SYNPO2: variants seen among roughly 807,000 people sequenced by gnomAD.
SYNPO2 encodes synaptopodin 2, also known as synaptopodin-2.
SYNPO2 carries 56 observed loss-of-function variants against 85.0 expected under a neutral mutation model. That is an observed-to-expected ratio of 0.66 (90% CI 0.53 to 0.82). SYNPO2 has a LOEUF of 0.82. Among genes scored for constraint, SYNPO2 ranks in the 40% least tolerant of loss-of-function variants. The probability of loss-of-function intolerance (pLI) is 0.00; values close to 1 mark genes in which losing one functional copy is unlikely to be tolerated. For missense variants in SYNPO2, 1,575 were observed against 1,534.2 expected, an observed-to-expected ratio of 1.03 and a Z score of -0.44; for synonymous variants, 602 against 591.1, an observed-to-expected ratio of 1.02 and a Z score of -0.27.
chr4:119,041,011 A>G (rs1738695315), intron 4 of SYNPO2, among the ~76,000 whole-genome samples: 1 of 152,244 alleles, frequency 6.6e-6, no homozygotes, highest in Admixed American at 6.5e-5. Context: ...AAGTGATGAA[A>G]AACAATTCTA....
intron 1 of SYNPO2, among the ~76,000 whole-genome samples, chr4:118,939,225 C>T (rs1254753319): frequency 1.3e-5 from 2 of 152,184 alleles, no homozygotes; most frequent in African/African-American, 4.8e-5. Context: ...CACTTTGGTC[C>T]TGTAATATTT....
chr4:118,923,268 T>C (rs1733598708), intron 1 of SYNPO2, among the ~76,000 whole-genome samples: 3 of 152,062 alleles, frequency 2.0e-5, no homozygotes, highest in Admixed American at 6.6e-5. Flanking sequence ...CTGGAAGCCA[T>C]AATCCTAAGC....
intron 1 of SYNPO2, among the ~76,000 whole-genome samples, chr4:118,979,759 A>G (rs1255703857): frequency 6.6e-6 from 1 of 152,264 alleles, no homozygotes; most frequent in Non-Finnish European, 1.5e-5. Flanking sequence ...ACCAGGAATT[A>G]TAGTCTGAGC....
At chr4:119,025,629 A>G (rs1398173076) in intron 2 of SYNPO2, among the ~76,000 whole-genome samples, 1 of 152,166 alleles carries the variant, frequency 6.6e-6, no homozygotes, top group Non-Finnish European at 1.5e-5. Flanking sequence ...CCTTCAGCTG[A>G]CGTGCCTGCA....
intron 1 of SYNPO2, among the ~76,000 whole-genome samples, chr4:118,908,043 T>C (rs1732994140): frequency 6.6e-6 from 1 of 152,190 alleles, no homozygotes; most frequent in South Asian, 2.1e-4. Context: ...ATTGAACATG[T>C]AGGTTATTTC....
At chr4:119,034,823 G>A in intron 4 of SYNPO2, 1 of 985,518 alleles carries the variant, frequency 1.0e-6, no homozygotes, top group South Asian at 4.7e-5. Context: ...TGACAGAAGG[G>A]AGAGTTAGAC....
Position 119,027,111 on chromosome 4 carries a change from G to T in SYNPO2, c.742G>T (p.Glu248Ter). ...CCACATAAATTCGATCCCTACTAAT[G>T]AGAAAGCAGACCCTTTCCTGAGGTC... ...IVHINSIPTN[E>*]KADPFLRSSK... Residue 248 changes from glutamate (E) to a stop codon, truncating the protein, a stop_gained, in exon 3 of 5, where the codon GAG becomes TAG. Transcript: ENST00000307142. LOFTEE classifies it high-confidence loss of function. 6.2e-7 allele frequency: 1 copy of T among 1,614,146 alleles called. No homozygotes were observed. The highest frequency in any genetic ancestry group is 1.1e-5 in the South Asian group (1 of 91,066).
At chr4:119,034,852 C>T (rs1738437858) in intron 4 of SYNPO2, 1 of 985,446 alleles carries the variant, frequency 1.0e-6, no homozygotes, top group Non-Finnish European at 1.2e-6. Context: ...GTCAGCCTCC[C>T]TCCCATGGGG....
At chr4:118,871,848 C>G (rs1316949950) in intron 1 of SYNPO2, among the ~76,000 whole-genome samples, 1 of 152,144 alleles carries the variant, frequency 6.6e-6, no homozygotes, top group East Asian at 1.9e-4. Context: ...GGATTACAGG[C>G]GTGAGCCACC....
chr4:119,030,877 A>C lies in SYNPO2; in HGVS notation c.2102A>C (p.Glu701Ala). 6.2e-7 allele frequency: 1 copy of C among 1,614,228 alleles called. No homozygotes were observed. Among genetic ancestry groups the C allele is most frequent in the Non-Finnish European group, 8.5e-7 (1 of 1,180,044 alleles). The change falls in exon 4 of 5, where the codon GAG becomes GCG. Residue 701 changes from glutamate (E) to alanine (A), a missense_variant. By Grantham distance (107) the Glu-to-Ala change is moderately radical. Transcript: ENST00000307142. ...ACAAAACCCATGTTTACTTTTAAAG[A>C]GCCCAAAGTAAGCCCAAATCCTGAA... ...STTKPMFTFK[E>A]PKVSPNPELL...
chr4:118,916,189 C>G (rs76827842), intron 1 of SYNPO2, among the ~76,000 whole-genome samples: 1 of 122,634 alleles, frequency 8.2e-6, no homozygotes, highest in Non-Finnish European at 1.7e-5. Flanking sequence ...TTTTTTTTTT[C>G]TGAGACAGAA....
chr4:118,968,178 A>AAAT (rs1249891215), intron 1 of SYNPO2, among the ~76,000 whole-genome samples: 1 of 152,186 alleles, frequency 6.6e-6, no homozygotes, highest in Non-Finnish European at 1.5e-5. Context: ...CAGTTAGTGA[A>AAAT]AATGAAAGCA....
chr4:118,939,175 G>A (rs968876390), intron 1 of SYNPO2, among the ~76,000 whole-genome samples: 1 of 152,210 alleles, frequency 6.6e-6, no homozygotes, highest in South Asian at 2.1e-4. Flanking sequence ...TGCACAGTTG[G>A]TTTAGCAGTG....
At chr4:118,964,588 AT>A (rs1299632631) in intron 1 of SYNPO2, among the ~76,000 whole-genome samples, 1 of 151,864 alleles carries the variant, frequency 6.6e-6, no homozygotes, top group Non-Finnish European at 1.5e-5. Flanking sequence ...GTGACATACT[AT>A]TTCTCTCTCC....
At chr4:118,936,129 G>T (rs1734092223) in intron 1 of SYNPO2, among the ~76,000 whole-genome samples, 1 of 152,204 alleles carries the variant, frequency 6.6e-6, no homozygotes, top group East Asian at 1.9e-4. Flanking sequence ...AGGGTATTCA[G>T]TACAGTAACA....
intron 4 of SYNPO2, chr4:119,032,398 A>G (rs1379227276): frequency 8.6e-7 from 1 of 1,162,904 alleles, no homozygotes; most frequent in African/African-American, 1.6e-5. Context: ...CCTTTATGTA[A>G]CATAACAGCT....
chr4:118,921,199 A>G (rs1199636245), intron 1 of SYNPO2, among the ~76,000 whole-genome samples: 2 of 152,062 alleles, frequency 1.3e-5, no homozygotes, highest in Admixed American at 1.3e-4. Flanking sequence ...GAGCCACCAC[A>G]CCTGGCCCAA....
chr4:119,049,025 A>G (rs1489365896), intron 4 of SYNPO2, among the ~76,000 whole-genome samples: 2 of 152,218 alleles, frequency 1.3e-5, no homozygotes, highest in Non-Finnish European at 2.9e-5. Context: ...AGACAGTAGC[A>G]ATAATCCAGG....
intron 1 of SYNPO2, among the ~76,000 whole-genome samples, chr4:118,935,921 G>A (rs1734085083): frequency 6.6e-6 from 1 of 152,178 alleles, no homozygotes; most frequent in Non-Finnish European, 1.5e-5. Context: ...ATGTTGCGTA[G>A]GAGGAAGAGG....
Sources: allele counts gnomAD v4.1 joint callset (sites outside exome capture counted in the v4.1 genomes callset), GRCh38; gene constraint gnomAD v4.1.1; transcripts MANE v1.5; gene names NCBI Gene and HGNC (gene_info 2026-07-23, HGNC 2026-07-21).